PRLR: variants seen among roughly 807,000 people sequenced by gnomAD.
PRLR encodes prolactin receptor, also known as hPRL receptor.
PRLR carries 13 observed loss-of-function variants against 40.2 expected under a neutral mutation model. That is an observed-to-expected ratio of 0.32 (90% CI 0.21 to 0.51). The LOEUF is 0.51. Ranked by LOEUF, PRLR falls within the 20% of genes least tolerant of loss-of-function variation. The probability of loss-of-function intolerance (pLI) is 0.97; values close to 1 mark genes in which losing one functional copy is unlikely to be tolerated. For synonymous variants in PRLR, 269 were observed against 278.7 expected (o/e 0.97, Z 0.35); for missense variants, 656 against 747.3 (o/e 0.88, Z 1.42).
At chr5:35,124,168 C>T (rs144050317) in intron 1 of PRLR, among the ~76,000 whole-genome samples, 2 of 152,344 alleles carry the variant, frequency 1.3e-5, no homozygotes, top group East Asian at 3.9e-4. Context: ...GTGGAAATTA[C>T]ATTAAGGCAA....
chr5:35,072,221 A>C (rs1769791709), intron 6 of PRLR, among the ~76,000 whole-genome samples: 1 of 152,102 alleles, frequency 6.6e-6, no homozygotes, highest in Non-Finnish European at 1.5e-5. Context: ...TTTAAAGTAA[A>C]TAAAAACACA....
chr5:35,172,113 G>A (rs1175348131), intron 1 of PRLR, among the ~76,000 whole-genome samples: 1 of 152,204 alleles, frequency 6.6e-6, no homozygotes, highest in Non-Finnish European at 1.5e-5. Context: ...CATGTCCCGT[G>A]AGACTCAAGG....
chr5:35,124,377 G>A (rs1046072900), intron 1 of PRLR, among the ~76,000 whole-genome samples: 1 of 151,924 alleles, frequency 6.6e-6, no homozygotes, highest in African/African-American at 2.4e-5. Flanking sequence ...CATGGTGCAT[G>A]CTTATGCTGA....
chr5:35,065,255 T>A lies in PRLR; in HGVS notation c.1703A>T (p.Asn568Ile), dbSNP rs1301963408. 6.2e-7 allele frequency: 1 copy of A among 1,614,074 alleles called. No individual in the cohort carries two copies. Among genetic ancestry groups the A allele is most frequent in the East Asian group, 2.2e-5 (1 of 44,870 alleles). ...LVLVPDPHAK[N>I]VACFEESAKE... ...GGCTGATTCTTCAAAGCAAGCCACG[T>A]TTTTAGCATGTGGATCTGGCACCAA... is the stretch of plus-strand genomic sequence containing the variant. The change falls in exon 10 of 10, where the codon AAC becomes ATC. Residue 568 changes from asparagine to isoleucine, a missense_variant. By Grantham distance (149) the Asn-to-Ile change is moderately radical (BLOSUM62 -3). Transcript: ENST00000618457.
At chr5:35,117,833 T>C (rs1053325687) in intron 2 of PRLR, among the ~76,000 whole-genome samples, 5 of 152,242 alleles carry the variant, frequency 3.3e-5, no homozygotes, top group Admixed American at 2.6e-4. Flanking sequence ...AAAGCTTTGG[T>C]ATTTTCTTTG....
At chr5:35,189,799 CT>C (rs1561356321) in intron 1 of PRLR, among the ~76,000 whole-genome samples, 2 of 152,120 alleles carry the variant, frequency 1.3e-5, no homozygotes, top group African/African-American at 4.8e-5. Context: ...ATGAAGATTC[CT>C]CTCAGTGTGA....
downstream of PRLR, among the ~76,000 whole-genome samples, chr5:35,054,283 C>T (rs146852472): frequency 9.8e-3 from 1,489 of 152,322 alleles, 25 homozygotes; most frequent in African/African-American, 0.034. Flanking sequence ...ATGCATTTTA[C>T]ATGACCCAAC....
chr5:35,110,629 G>C (rs1772599922), intron 2 of PRLR, among the ~76,000 whole-genome samples: 1 of 152,114 alleles, frequency 6.6e-6, no homozygotes, highest in African/African-American at 2.4e-5. Context: ...ACCAAGAGCA[G>C]GCTCATTTCT....
intron 1 of PRLR, among the ~76,000 whole-genome samples, chr5:35,161,861 T>C (rs1774684096): frequency 6.6e-6 from 1 of 152,218 alleles, no homozygotes; most frequent in Admixed American, 6.5e-5. Flanking sequence ...ATTTTACAAG[T>C]GTTAGATTCT....
intron 2 of PRLR, among the ~76,000 whole-genome samples, chr5:35,115,392 T>C (rs1484869198): frequency 6.6e-6 from 1 of 152,206 alleles, no homozygotes; most frequent in Non-Finnish European, 1.5e-5. Flanking sequence ...GTGTAGGTTT[T>C]GAGTAATGCC....
intron 2 of PRLR, among the ~76,000 whole-genome samples, chr5:35,101,124 C>G (rs1228945195): frequency 6.6e-6 from 1 of 152,184 alleles, no homozygotes; most frequent in African/African-American, 2.4e-5. Flanking sequence ...TCTGGAATAC[C>G]ATCATCAAAG....
At position 35,065,854 on chromosome 5, in the gene PRLR, C is replaced by T. The variant is rs199966902; in HGVS notation, c.1104G>A (p.Gln368=). ...GATCATAGAATGTGGAGGGATTGGCCTGGGGTTCCTCACACTTTTCAGACA... is the reference window on the plus strand; with the variant it reads ...GATCATAGAATGTGGAGGGATTGGCTTGGGGTTCCTCACACTTTTCAGACA... ...SLLSEKCEEP[Q]ANPSTFYDPE... Residue 368 remains glutamine (Q), a synonymous_variant, in exon 10 of 10, where the codon CAG becomes CAA. Coordinates refer to ENST00000618457, the MANE Select transcript of PRLR (RefSeq NM_000949.7). The T allele has an allele frequency of 3.0e-5, 49 of 1,614,126 alleles. No homozygotes were observed. The East Asian group carries it at 6.2e-4, about 21-fold the overall frequency.
chr5:35,068,906 G>T, intron 7 of PRLR, 28 bp from the exon 8 acceptor site: 1 of 1,514,348 alleles, frequency 6.6e-7, no homozygotes, highest in Non-Finnish European at 9.2e-7. Flanking sequence ...AGAAAGCTTT[G>T]ATCACGTACA....
At chr5:35,168,577 A>T (rs1774909991) in intron 1 of PRLR, among the ~76,000 whole-genome samples, 1 of 152,162 alleles carries the variant, frequency 6.6e-6, no homozygotes, top group Non-Finnish European at 1.5e-5. Flanking sequence ...ATATTTAAAA[A>T]TAAGCAATAT....
In PRLR at chr5:35,066,031, G is replaced by C. The variant is rs1196513458; in HGVS notation, c.927C>G (p.Asp309Glu). Residue 309 changes from aspartate (D) to glutamate (E), a missense_variant, in exon 10 of 10, where the codon GAC becomes GAG. Asp to Glu is a conservative substitution (Grantham distance 45). Around this residue, in one of 3 missense-constraint regions of PRLR, gnomAD observed 469 missense variants for 491.5 expected, o/e 0.95. Coordinates refer to ENST00000618457, the MANE Select transcript of PRLR (RefSeq NM_000949.7). ...QDFPPTSDYE[D>E]LLVEYLEVDD... ...CTACTTCTAAATACTCCACCAGCAA[G>C]TCCTCATAGTCAGAAGTGGGAGGAA... is the stretch of plus-strand genomic sequence containing the variant. 2 of 1,614,134 alleles carry C rather than the reference G, an allele frequency of 1.2e-6. No individual in the cohort carries two copies.
At chr5:35,213,507 GT>G (rs139946535) in intron 1 of PRLR, among the ~76,000 whole-genome samples, 47 of 151,574 alleles carry the variant, frequency 3.1e-4, no homozygotes, top group African/African-American at 1.1e-3. Flanking sequence ...AGCTATCTGA[GT>G]TTTTTTTTCT....
At chr5:35,113,084 A>G (rs909924706) in intron 2 of PRLR, among the ~76,000 whole-genome samples, 6 of 151,568 alleles carry the variant, frequency 4.0e-5, no homozygotes, top group Admixed American at 6.6e-5. Flanking sequence ...CCATCCATCA[A>G]CCTACCCACC....
At chr5:35,109,435 A>G (rs1772499591) in intron 2 of PRLR, among the ~76,000 whole-genome samples, 1 of 152,204 alleles carries the variant, frequency 6.6e-6, no homozygotes, top group Non-Finnish European at 1.5e-5. Flanking sequence ...CTGGCAACCT[A>G]CAGAATGGGA....
At position 35,096,909 on chromosome 5, in the gene PRLR, T is replaced by C. The variant is rs190403446; in HGVS notation, c.-43-7246A>G. 1.2e-4 allele frequency among the ~76,000 whole-genome samples: 19 copies of C among 152,318 alleles called. No homozygotes were observed. The East Asian group carries it at 2.5e-3, about 20-fold the overall frequency. On this transcript the variant is annotated intron_variant, in intron 2 of 9. Transcript: ENST00000618457. The stretch of plus-strand genomic sequence containing the variant: ...TGCTGGGATTACAGGCGTGAGCCAC[T>C]GTGCCCGGCCTTAAAATTTTTCATT...
Sources: gnomAD v4.1 joint callset for allele counts (sites outside exome capture counted in the v4.1 genomes callset) on GRCh38, gnomAD v4.1.1 for gene constraint, gnomAD v4.1.1 regional missense constraint, MANE v1.5 for transcripts, NCBI Gene and HGNC (gene_info 2026-07-23, HGNC 2026-07-21) for gene names.